Variants in RAB15 observed in about 807,000 individuals in gnomAD.
RAB15 encodes the protein RAB15, member RAS oncogene family.
RAB15 carries 13 observed loss-of-function variants against 31.8 expected under a neutral mutation model. The ratio of observed to expected loss-of-function variants is 0.41; its 90% confidence interval spans 0.27 to 0.65. The LOEUF (loss-of-function observed/expected upper bound fraction) is 0.65. RAB15 is among the 30% of genes least tolerant of loss of function. The pLI, the probability that RAB15 is intolerant of heterozygous loss-of-function variation, is 0.32. For synonymous variants in RAB15, 100 were observed against 105.6 expected (o/e 0.95, Z 0.33); for missense variants, 220 against 277.3 (o/e 0.79, Z 1.47).
At position 64,969,940 on chromosome 14, in the gene RAB15, G is replaced by A. The variant is rs77815555; in HGVS notation, c.124+2013C>T. On this transcript the variant is annotated intron_variant, in intron 1 of 6. Coordinates refer to ENST00000533601, the MANE Select transcript of RAB15 (RefSeq NM_001308154.2). ...GCACGAGCCTCAGAGGGCCATCCTG[G>A]TATTTTAGAAAGAGGGGTGCCCTCA... 8.0e-3 allele frequency among the ~76,000 whole-genome samples: 1,221 copies of A among 152,286 alleles called. 16 individuals are homozygous for A. The highest frequency in any genetic ancestry group is 0.028 in the African/African-American group (1,165 of 41,548).
At position 64,948,314 on chromosome 14, in the gene RAB15, G is replaced by A; in HGVS notation, c.*40C>T. 3 of 1,458,256 alleles carry A rather than the reference G, an allele frequency of 2.1e-6. 1 individual carries two copies. In the Middle Eastern group the frequency reaches 5.4e-4, roughly 263 times the overall value. 90.3% of individuals were successfully genotyped at this position (1,458,256 alleles called of 1,614,324 possible). ...TCCCCTGTCTGCCCACGGGCCTCCT[G>A]AGGGAAGAGGGGTGTCGTGTGGGGT... On this transcript the variant is annotated 3_prime_UTR_variant, in exon 7 of 7. Coordinates refer to ENST00000533601, the MANE Select transcript of RAB15 (RefSeq NM_001308154.2). The surrounding 1 kb of genome is among the most constrained non-coding windows in gnomAD (Gnocchi z 7.0).
Position 64,951,267 on chromosome 14 carries a change from G to T in RAB15, c.247-116C>A. ...CCCACTCTCCCATTCTCCCTGCTCA[G>T]CATCCAGAAATATCTCTTCTCTCAG... On this transcript the variant is annotated intron_variant, in intron 3 of 6. Coordinates refer to ENST00000533601, the MANE Select transcript of RAB15 (RefSeq NM_001308154.2). This position sits in a 1 kb window ranked among gnomAD's most constrained non-coding sequence, Gnocchi z 7.2. 1 of 831,760 alleles carries T rather than the reference G, an allele frequency of 1.2e-6. No homozygotes were observed. The allele number at this position is 831,760 out of a possible 1,614,324, so 51.5% of individuals were successfully genotyped here. A position where few individuals can be genotyped will look rare whatever the true frequency, so the allele number is the denominator to read the frequency against.
rs564260986 is a variant in RAB15 at position 64,948,825 on chromosome 14, C to A, written c.415-92G>T. 8.0e-5 allele frequency: 89 copies of A among 1,110,586 alleles called. No individual in the cohort carries two copies. The East Asian group carries it at 1.9e-3, about 24-fold the overall frequency. The allele number at this position is 1,110,586 out of a possible 1,614,324, so 68.8% of individuals were successfully genotyped here. A position where few individuals can be genotyped will look rare whatever the true frequency, so the allele number is the denominator to read the frequency against. On this transcript the variant is annotated intron_variant, in intron 5 of 6. Coordinates refer to ENST00000533601, the MANE Select transcript of RAB15 (RefSeq NM_001308154.2). The surrounding 1 kb of genome is among the most constrained non-coding windows in gnomAD (Gnocchi z 7.0). ...CAGGCTTCTGCCACTGCACTCACAA[C>A]CATGCTGTGTTGTGACGATTTCTCA... is the stretch of plus-strand genomic sequence containing the variant.
chr14:64,963,463 C>G (rs1886968198), intron 1 of RAB15, among the ~76,000 whole-genome samples: 1 of 152,086 alleles, frequency 6.6e-6, no homozygotes, highest in African/African-American at 2.4e-5. Context: ...TCTCGCCTCC[C>G]TAAGCCTGCT....
At position 64,948,400 on chromosome 14, in the gene RAB15, C is replaced by CCCT. The variant is rs750167619; in HGVS notation, c.590_592dup (p.Glu197dup). ...AGAGTTCGCTGGGCCCTCGGGTTTG[C>CCCT]CCTCCTCCTCCTCCAGCTCTGCCAG... On this transcript the variant is annotated inframe_insertion, in exon 7 of 7. Transcript: ENST00000533601. The surrounding 1 kb of genome is among the most constrained non-coding windows in gnomAD (Gnocchi z 7.0). 4 of 1,611,236 alleles carry CCCT rather than the reference C, an allele frequency of 2.5e-6. No individual in the cohort carries two copies. In the Admixed American group the frequency reaches 6.7e-5, roughly 27 times the overall value.
At position 64,968,053 on chromosome 14, in the gene RAB15, C is replaced by T. The variant is rs1267441280; in HGVS notation, c.124+3900G>A. Among the ~76,000 whole-genome samples the T allele has an allele frequency of 1.3e-5, 2 of 152,172 alleles. No homozygotes were observed. Among genetic ancestry groups the T allele is most frequent in the African/African-American group, 4.8e-5 (2 of 41,434 alleles). On this transcript the variant is annotated intron_variant, in intron 1 of 6. Coordinates refer to ENST00000533601, the MANE Select transcript of RAB15 (RefSeq NM_001308154.2). This position sits in a 1 kb window ranked among gnomAD's most constrained non-coding sequence, Gnocchi z 4.9. ...TTGGCCAGGCTCTCAATGCCCTCTG[C>T]CAACTGGTCCCTGCATTCATTCATT...
intron 1 of RAB15, among the ~76,000 whole-genome samples, chr14:64,960,474 C>G (rs1423563086): frequency 1.3e-5 from 2 of 152,144 alleles, no homozygotes; most frequent in Non-Finnish European, 2.9e-5. Context: ...ATTGGGAGGT[C>G]AAGTTTGGTT....
chr14:64,949,610 C>G (rs548294825), intron 5 of RAB15, among the ~76,000 whole-genome samples: 1 of 151,590 alleles, frequency 6.6e-6, no homozygotes, highest in Non-Finnish European at 1.5e-5. Flanking sequence ...GTAATCTCAG[C>G]TACTTGGGAG....
intron 1 of RAB15, among the ~76,000 whole-genome samples, chr14:64,957,574 A>G (rs986709075): frequency 6.6e-6 from 1 of 152,156 alleles, no homozygotes; most frequent in Non-Finnish European, 1.5e-5. Context: ...ACCCAGGTGC[A>G]TAGTGCTTGT....
At chr14:64,966,224 A>G (rs968829013) in intron 1 of RAB15, among the ~76,000 whole-genome samples, 2 of 152,232 alleles carry the variant, frequency 1.3e-5, no homozygotes, top group African/African-American at 4.8e-5. Context: ...TGTGTCCCCA[A>G]ATCTTAGCAT....
intron 1 of RAB15, among the ~76,000 whole-genome samples, chr14:64,957,413 G>A (rs999442842): frequency 1.4e-4 from 22 of 152,122 alleles, no homozygotes; most frequent in African/African-American, 5.1e-4. Context: ...TGAAGTGGAA[G>A]GCATTACAGA....
rs1886185124 is a variant in RAB15 at position 64,950,431 on chromosome 14, G to A, written c.325-17C>T. Reference sequence around the variant, plus strand: ...TGGTGCGTACTAGGGACAAAGGATGGGCAGAACAGCCAGTGAGTGCTGCCT... The same window carrying A: ...TGGTGCGTACTAGGGACAAAGGATGAGCAGAACAGCCAGTGAGTGCTGCCT... On this transcript the variant is annotated splice_polypyrimidine_tract_variant and intron_variant, in intron 4 of 6. Coordinates refer to ENST00000533601, the MANE Select transcript of RAB15 (RefSeq NM_001308154.2). This position sits in a 1 kb window ranked among gnomAD's most constrained non-coding sequence, Gnocchi z 5.6. 1 of 1,604,324 alleles carries A rather than the reference G, an allele frequency of 6.2e-7. No homozygotes were observed. The highest frequency in any genetic ancestry group is 8.5e-7 in the Non-Finnish European group (1 of 1,171,404).
intron 1 of RAB15, among the ~76,000 whole-genome samples, chr14:64,963,042 T>C (rs1886938703): frequency 6.6e-6 from 1 of 151,792 alleles, no homozygotes; most frequent in South Asian, 2.1e-4. Context: ...CCACCGTCCC[T>C]GTGTAGGTAG....
chr14:64,961,859 G>A (rs919928162), intron 1 of RAB15, among the ~76,000 whole-genome samples: 7 of 151,140 alleles, frequency 4.6e-5, no homozygotes, highest in African/African-American at 1.7e-4. Flanking sequence ...AGGCTGCAAT[G>A]AGCTGAGATC....
chr14:64,956,647 G>C (rs570702900), intron 1 of RAB15, among the ~76,000 whole-genome samples: 3 of 152,280 alleles, frequency 2.0e-5, no homozygotes, highest in Admixed American at 1.3e-4. Context: ...GTTTCTCAAG[G>C]TGTGCTTTGC....
chr14:64,954,349 CCTGG>C lies in RAB15; in HGVS notation c.125-1782_125-1779del. 1.0e-6 allele frequency: 1 copy of C among 985,356 alleles called. No homozygotes were observed. The highest frequency in any genetic ancestry group is 1.2e-6 in the Non-Finnish European group (1 of 829,898). The allele number at this position is 985,356 out of a possible 1,614,324, so 61.0% of individuals were successfully genotyped here. A position where few individuals can be genotyped will look rare whatever the true frequency, so the allele number is the denominator to read the frequency against. ...ATCAGGCACCTGTTTCTCCCCAGTACCTGGCATAGAAGGGAATCAAGACATTCTT... is the reference window on the plus strand; with the variant it reads ...ATCAGGCACCTGTTTCTCCCCAGTACCATAGAAGGGAATCAAGACATTCTT... On this transcript the variant is annotated intron_variant, in intron 1 of 6. Coordinates refer to ENST00000533601, the MANE Select transcript of RAB15 (RefSeq NM_001308154.2). The surrounding 1 kb of genome is among the most constrained non-coding windows in gnomAD (Gnocchi z 4.3).
rs1886383305 is a variant in RAB15, at chr14:64,953,586, A to C, written c.125-1015T>G. On this transcript the variant is annotated intron_variant, in intron 1 of 6. Coordinates refer to ENST00000533601, the MANE Select transcript of RAB15 (RefSeq NM_001308154.2). The surrounding 1 kb of genome is among the most constrained non-coding windows in gnomAD (Gnocchi z 4.6). ...CACAAGAAACCGAAGGGATTTGGCA[A>C]ATGCGTGCAGGGCAGAAACATATTG... Among the ~76,000 whole-genome samples, 1 of 152,196 alleles carries C rather than the reference A, an allele frequency of 6.6e-6. No homozygotes were observed. Among genetic ancestry groups the C allele is most frequent in the African/African-American group, 2.4e-5 (1 of 41,446 alleles).
chr14:64,946,170 A>G lies in RAB15; in HGVS notation c.*2184T>C, dbSNP rs1202920954. 1.3e-5 allele frequency: 2 copies of G among 152,284 alleles called. No homozygotes were observed. The highest frequency in any genetic ancestry group is 2.9e-5 in the Non-Finnish European group (2 of 68,054). 9.4% of individuals were successfully genotyped at this position (152,284 alleles called of 1,614,324 possible). A position where few individuals can be genotyped will look rare whatever the true frequency, so the allele number is the denominator to read the frequency against. On this transcript the variant is annotated 3_prime_UTR_variant, in exon 7 of 7. Coordinates refer to ENST00000533601, the MANE Select transcript of RAB15 (RefSeq NM_001308154.2). ...CCTTGTGGATAGGGCCTATCAGTCT[A>G]TAGAATCCTGATTCCATGTTTTCCC...
chr14:64,956,151 C>A (rs895418951), intron 1 of RAB15, among the ~76,000 whole-genome samples: 10 of 152,104 alleles, frequency 6.6e-5, no homozygotes, highest in African/African-American at 2.2e-4. Context: ...ACCAGTAATC[C>A]CAAGACCTTG....
Sources: gnomAD v4.1 joint callset for allele counts (sites outside exome capture counted in the v4.1 genomes callset) on GRCh38, gnomAD v4.1.1 for gene constraint, Gnocchi (gnomAD v3.1) non-coding constraint, MANE v1.5 for transcripts, NCBI Gene and HGNC (gene_info 2026-07-23, HGNC 2026-07-21) for gene names.